The following HERC5 variants were observed in gnomAD, a reference collection of about 807,000 sequenced individuals.
HERC5 encodes the protein E3 ISG15--protein ligase HERC5.
A neutral mutation model predicts 119.6 loss-of-function variants in HERC5; 99 were observed. The ratio of observed to expected loss-of-function variants is 0.83; its 90% CI spans 0.70 to 0.98. HERC5 has a LOEUF of 0.98. Among genes scored for constraint, HERC5 ranks in the 50% least tolerant of loss-of-function variants. HERC5 has a pLI of 0.00. For missense variants in HERC5, 1,267 were observed against 1,241.3 expected, an observed-to-expected ratio of 1.02 and a Z score of -0.31; for synonymous variants, 478 against 445.9, an observed-to-expected ratio of 1.07 and a Z score of -0.91.
intron 6 of HERC5, among the ~76,000 whole-genome samples, chr4:88,466,342 A>G (rs1254415172): frequency 6.6e-6 from 1 of 152,182 alleles, no homozygotes; most frequent in Non-Finnish European, 1.5e-5. Context: ...TTGGCCTCCC[A>G]AAGTGCTGGG....
In HERC5 at chr4:88,479,946, A is replaced by G. The variant is rs533328345; in HGVS notation, c.1737+439A>G. The stretch of plus-strand genomic sequence containing the variant: ...GCTGGGCGTGGTGGCGGGCGCCTGT[A>G]GTCCCAGCTACTCGGGAGGCTGAGG... On this transcript the variant is annotated intron_variant, in intron 13 of 22. Coordinates refer to ENST00000264350, the MANE Select transcript of HERC5 (RefSeq NM_016323.4). Among the ~76,000 whole-genome samples, 6 of 152,012 alleles carry G rather than the reference A, an allele frequency of 3.9e-5. No homozygotes were observed. In the South Asian group the frequency reaches 1.0e-3, roughly 26 times the overall value.
chr4:88,479,121 A>G (rs1309872438), intron 12 of HERC5, among the ~76,000 whole-genome samples: 2 of 151,858 alleles, frequency 1.3e-5, no homozygotes, highest in Non-Finnish European at 2.9e-5. Flanking sequence ...CCTTGTCTCT[A>G]TAAAAATACA....
chr4:88,459,540 A>G, intron 2 of HERC5, 70 bp downstream of exon 2: 1 of 1,022,542 alleles, frequency 9.8e-7, no homozygotes, highest in Non-Finnish European at 1.4e-6. Flanking sequence ...TGTAGGAAAT[A>G]TCTGATTCTT....
At chr4:88,474,638 G>A (rs572774541) in intron 11 of HERC5, among the ~76,000 whole-genome samples, 6 of 152,208 alleles carry the variant, frequency 3.9e-5, no homozygotes, top group African/African-American at 1.4e-4. Flanking sequence ...ATATCACTTA[G>A]CCACTATCTC....
chr4:88,467,805 G>A, intron 7 of HERC5: 1 of 750,070 alleles, frequency 1.3e-6, no homozygotes, highest in Non-Finnish European at 1.6e-6. Flanking sequence ...TCTGAGCTCT[G>A]AAACACTCCA....
At chr4:88,490,185 A>G (rs891907963) in intron 16 of HERC5, among the ~76,000 whole-genome samples, 2 of 152,222 alleles carry the variant, frequency 1.3e-5, no homozygotes, top group Non-Finnish European at 2.9e-5. Flanking sequence ...ATACTGAATC[A>G]TAATGACCAG....
In HERC5 at chr4:88,494,219, C is replaced by G; in HGVS notation, c.2332C>G (p.Leu778Val). The G allele has an allele frequency of 1.2e-6, 2 of 1,613,130 alleles. No homozygotes were observed. Among genetic ancestry groups the G allele is most frequent in the Non-Finnish European group, 8.5e-7 (1 of 1,179,560 alleles). Residue 778 changes from leucine to valine, a missense_variant, in exon 18 of 23, where the codon CTG becomes GTG. Coordinates refer to ENST00000264350, the MANE Select transcript of HERC5 (RefSeq NM_016323.4). ...FFFGVLCGLS[L>V]FNCNVANLPF... ...TTTTGGGGTTCTATGTGGACTTTCC[C>G]TGTTCAATTGCAATGTTGCCAACCT...
intron 11 of HERC5, among the ~76,000 whole-genome samples, chr4:88,475,407 C>G (rs1015692233): frequency 6.7e-6 from 1 of 150,088 alleles, no homozygotes. Flanking sequence ...CAACCTCTGC[C>G]TCCCAGGTTC....
chr4:88,485,845 TC>T (rs1385300153), intron 13 of HERC5, among the ~76,000 whole-genome samples: 1 of 152,074 alleles, frequency 6.6e-6, no homozygotes, highest in African/African-American at 2.4e-5. Flanking sequence ...TTTTTTTTTT[TC>T]TTCCTATTGA....
chr4:88,482,324 A>G (rs1741305800), intron 13 of HERC5, among the ~76,000 whole-genome samples: 3 of 151,012 alleles, frequency 2.0e-5, no homozygotes, highest in South Asian at 2.1e-4. Context: ...AAAAAAAAAA[A>G]GGGAAAAGAA....
chr4:88,458,182 G>T (rs1260846350), intron 1 of HERC5: 1 of 606,896 alleles, frequency 1.6e-6, no homozygotes, highest in Non-Finnish European at 2.1e-6. Context: ...TATGGAAGAG[G>T]TATTTGAATA....
chr4:88,479,014 G>A (rs1388519253), intron 12 of HERC5, among the ~76,000 whole-genome samples: 2 of 152,098 alleles, frequency 1.3e-5, no homozygotes, highest in East Asian at 1.9e-4. Flanking sequence ...AAGCTGGTGA[G>A]GTGGCTCATG....
intron 5 of HERC5, 104 bp from the exon 6 acceptor site, chr4:88,463,751 C>T: frequency 2.1e-6 from 3 of 1,426,956 alleles, no homozygotes; most frequent in Non-Finnish European, 2.9e-6. Flanking sequence ...TATTTAGGAG[C>T]TTTACTTTGA....
At chr4:88,475,199 C>T (rs367942785) in intron 11 of HERC5, among the ~76,000 whole-genome samples, 1 of 148,438 alleles carries the variant, frequency 6.7e-6, no homozygotes, top group African/African-American at 2.5e-5. Flanking sequence ...AAGAAACCCA[C>T]GGTGTGATAG....
intron 20 of HERC5, among the ~76,000 whole-genome samples, chr4:88,502,902 C>G (rs1027816431): frequency 6.6e-6 from 1 of 151,248 alleles, no homozygotes; most frequent in Non-Finnish European, 1.5e-5. Context: ...GTTCTAGATG[C>G]AAGTCTTTTG....
intron 13 of HERC5, among the ~76,000 whole-genome samples, chr4:88,483,085 A>G (rs995878357): frequency 2.6e-5 from 4 of 152,114 alleles, no homozygotes; most frequent in Admixed American, 1.3e-4. Flanking sequence ...GGCTTCTAAT[A>G]TGATGTTAAA....
chr4:88,505,675 T>C lies in HERC5; in HGVS notation c.2872T>C (p.Phe958Leu). The C allele has an allele frequency of 6.6e-7, 1 of 1,512,324 alleles. No homozygotes were observed. The highest frequency in any genetic ancestry group is 9.1e-7 in the Non-Finnish European group (1 of 1,097,858). 93.7% of individuals were successfully genotyped at this position (1,512,324 alleles called of 1,614,324 possible). ...CCTAATTTTATTCTTCTTTTTAGTA[T>C]TTCTTACAGGAACTGACAGACTACA... ...TLEEKKKFLV[F>L]LTGTDRLQMK... Residue 958 changes from phenylalanine (F) to leucine (L), a missense_variant and splice_region_variant, in exon 23 of 23, where the codon TTT becomes CTT. By Grantham distance (22) the Phe-to-Leu change is conservative. Coordinates refer to ENST00000264350, the MANE Select transcript of HERC5 (RefSeq NM_016323.4).
rs865915082 is a variant in HERC5, at chr4:88,486,337, A to G, written c.1851+109A>G. ...AGAAATAGCAGGACTTGTGGGAAAC[A>G]TTAAGACTCCTCAAAATCTATGCAA... On this transcript the variant is annotated intron_variant, in intron 14 of 22. Transcript: ENST00000264350. 6.8e-5 allele frequency: 42 copies of G among 617,642 alleles called. No individual in the cohort carries two copies. The South Asian group carries it at 7.2e-4, about 11-fold the overall frequency. The allele number at this position is 617,642 out of a possible 1,614,324, so 38.3% of individuals were successfully genotyped here.
chr4:88,489,191 G>A lies in HERC5; in HGVS notation c.1988G>A (p.Arg663Lys). 6.2e-7 allele frequency: 1 copy of A among 1,612,670 alleles called. No individual in the cohort carries two copies. ...AGTAAAAAACATAAAGCTTATCTTA[G>A]GTCGGCAGCAATTGAGGAAGAAAGA... ...IESKKHKAYLRSAAIEEERES... is the reference protein window; with the variant it reads ...IESKKHKAYLKSAAIEEERES... Residue 663 changes from arginine to lysine, a missense_variant, in exon 16 of 23, where the codon AGG (arginine) becomes AAG (lysine). This residue lies in a region of HERC5 where 473 missense variants were observed against 445.7 expected (regional missense o/e 1.06). Coordinates refer to ENST00000264350, the MANE Select transcript of HERC5 (RefSeq NM_016323.4).
Sources: gnomAD v4.1 joint callset for allele counts (sites outside exome capture counted in the v4.1 genomes callset) on GRCh38, gnomAD v4.1.1 for gene constraint, gnomAD v4.1.1 regional missense constraint, MANE v1.5 for transcripts, NCBI Gene and HGNC (gene_info 2026-07-23, HGNC 2026-07-21) for gene names.